CLIC5: variants seen among roughly 807,000 people sequenced by gnomAD.
CLIC5 encodes the protein chloride intracellular channel protein 5.
A neutral mutation model predicts 24.7 loss-of-function variants in CLIC5; 20 were observed. The observed-to-expected ratio is 0.81, with a 90% confidence interval of 0.57 to 1.18. The LOEUF (loss-of-function observed/expected upper bound fraction) is 1.18. Ranked by LOEUF, CLIC5 falls within the 50% of genes most tolerant of loss-of-function variation. The pLI is 0.00. For synonymous variants in CLIC5, 159 were observed against 135.6 expected (o/e 1.17, Z -1.20); for missense variants, 341 against 326.1 (o/e 1.05, Z -0.35).
chr6:45,905,633 T>C (rs775860598), intron 5 of CLIC5, among the ~76,000 whole-genome samples: 2 of 152,150 alleles, frequency 1.3e-5, no homozygotes, highest in South Asian at 2.1e-4. Context: ...TATTAGACCT[T>C]TGTCAGATGC....
intron 1 of CLIC5, among the ~76,000 whole-genome samples, chr6:45,985,660 A>C (rs887064575): frequency 6.6e-6 from 1 of 152,064 alleles, no homozygotes; most frequent in African/African-American, 2.4e-5. Context: ...GTCCTAATGC[A>C]CGCGAAGTTG....
At chr6:46,106,996 G>T in the CLIC5 span, among the ~76,000 whole-genome samples, 2 of 152,106 alleles carry the variant, frequency 1.3e-5, no homozygotes, top group Non-Finnish European at 2.9e-5. Flanking sequence ...ATATACGTGG[G>T]TACACATCTA....
intron 1 of CLIC5, among the ~76,000 whole-genome samples, chr6:45,973,141 T>C (rs763216107): frequency 1.4e-4 from 21 of 152,318 alleles, no homozygotes; most frequent in Middle Eastern, 3.4e-3. Flanking sequence ...TCACTGAGCA[T>C]GTTCATCTCG....
At chr6:45,910,573 A>G (rs987367873) in intron 5 of CLIC5, among the ~76,000 whole-genome samples, 2 of 152,226 alleles carry the variant, frequency 1.3e-5, no homozygotes, top group African/African-American at 4.8e-5. Context: ...AGTTACCATT[A>G]ATATTTATTA....
At chr6:46,122,015 G>T in the CLIC5 span, among the ~76,000 whole-genome samples, 1 of 152,176 alleles carries the variant, frequency 6.6e-6, no homozygotes, top group Non-Finnish European at 1.5e-5. Flanking sequence ...ACATTAGACA[G>T]ATCAACGAGA....
At chr6:46,108,878 C>A in the CLIC5 span, among the ~76,000 whole-genome samples, 1 of 152,026 alleles carries the variant, frequency 6.6e-6, no homozygotes, top group Non-Finnish European at 1.5e-5. Context: ...GATCTTTGGC[C>A]TAAAATTAAC....
At chr6:46,004,909 T>G (rs1766495714) in intron 1 of CLIC5, among the ~76,000 whole-genome samples, 1 of 152,218 alleles carries the variant, frequency 6.6e-6, no homozygotes, top group African/African-American at 2.4e-5. Context: ...GGGCAAATTC[T>G]AAAGACACTG....
At chr6:46,016,086 T>A (rs1464913500), upstream of CLIC5, among the ~76,000 whole-genome samples, 1 of 122,724 alleles carries the variant, frequency 8.1e-6, no homozygotes, top group Non-Finnish European at 1.7e-5. Context: ...GCAGAAAGAG[T>A]CGAGGAGAAG....
chr6:46,106,646 G>T, the CLIC5 span, among the ~76,000 whole-genome samples: 1 of 152,116 alleles, frequency 6.6e-6, no homozygotes, highest in African/African-American at 2.4e-5. Context: ...TTTTGAAAAG[G>T]TTTCTAAATT....
intron 1 of CLIC5, among the ~76,000 whole-genome samples, chr6:45,969,128 C>A (rs955325499): frequency 2.7e-4 from 41 of 152,178 alleles, no homozygotes; most frequent in Non-Finnish European, 5.6e-4. Flanking sequence ...CTACTACAGT[C>A]CTCTCTCCCA....
At chr6:45,947,680 A>T (rs181904590) in intron 3 of CLIC5, among the ~76,000 whole-genome samples, 7 of 152,018 alleles carry the variant, frequency 4.6e-5, no homozygotes, top group African/African-American at 1.7e-4. Context: ...TGAAAACAGC[A>T]TTTTTTTTCA....
At chr6:46,048,360 A>C (rs1209439590) in intron 1 of CLIC5, among the ~76,000 whole-genome samples, 2 of 152,154 alleles carry the variant, frequency 1.3e-5, no homozygotes, top group Non-Finnish European at 1.5e-5. Flanking sequence ...GGCTCCTTAA[A>C]AGCATGAACT....
At chr6:46,055,088 G>T (rs560662558) in intron 1 of CLIC5, among the ~76,000 whole-genome samples, 54 of 152,196 alleles carry the variant, frequency 3.5e-4, no homozygotes, top group Non-Finnish European at 2.9e-5. Flanking sequence ...AACATTGTCA[G>T]TTCTTTTCTT....
rs11414475 is a variant in CLIC5 at position 45,893,230 on chromosome 6, GT to G, written c.624-12043del. Among the ~76,000 whole-genome samples the G allele has an allele frequency of 4.7e-4, 66 of 140,480 alleles. 1 individual carries two copies. The highest frequency in any genetic ancestry group is 5.1e-4 in the Non-Finnish European group (33 of 64,800). The allele number at this position is 140,480 out of a possible 152,430, so 92.2% of individuals were successfully genotyped here. On this transcript the variant is annotated intron_variant, in intron 6 of 6. Transcript: ENST00000644324. ...GGGCCAAATATTTAGTGCCACCCTG[GT>G]TTTTTTTTTTTGTTTTAAGAATTCC... is the stretch of plus-strand genomic sequence containing the variant.
At chr6:45,945,367 C>G (rs1178826944) in intron 3 of CLIC5, among the ~76,000 whole-genome samples, 1 of 152,156 alleles carries the variant, frequency 6.6e-6, no homozygotes, top group Admixed American at 6.5e-5. Flanking sequence ...TTCTGTTTCC[C>G]AGCTTCTCTC....
At chr6:46,083,863 T>C (rs1384778953), upstream of CLIC5, among the ~76,000 whole-genome samples, 2 of 152,028 alleles carry the variant, frequency 1.3e-5, no homozygotes, top group African/African-American at 4.8e-5. Flanking sequence ...CTGTCTAATG[T>C]TGACAGTGGG....
upstream of CLIC5, among the ~76,000 whole-genome samples, chr6:46,019,110 A>G (rs573524750): frequency 6.6e-6 from 1 of 151,938 alleles, no homozygotes; most frequent in African/African-American, 2.4e-5. Context: ...CAGATAAGCT[A>G]AAATGGAATG....
chr6:45,933,016 G>A (rs1763798076), intron 4 of CLIC5, among the ~76,000 whole-genome samples: 1 of 152,198 alleles, frequency 6.6e-6, no homozygotes, highest in South Asian at 2.1e-4. Flanking sequence ...AACTCACTGA[G>A]GTTCCTAGAA....
chr6:45,964,093 A>G (rs1325347386), intron 1 of CLIC5, among the ~76,000 whole-genome samples: 2 of 152,226 alleles, frequency 1.3e-5, no homozygotes, highest in Non-Finnish European at 2.9e-5. Context: ...AACCTTCACC[A>G]TGCCTTGGGA....
Sources: allele counts gnomAD v4.1 joint callset (sites outside exome capture counted in the v4.1 genomes callset), GRCh38; gene constraint gnomAD v4.1.1; transcripts MANE v1.5; gene names NCBI Gene and HGNC (gene_info 2026-07-23, HGNC 2026-07-21).